The following SUCLG1 variants were observed in gnomAD, a reference collection of about 807,000 sequenced individuals.
SUCLG1 encodes succinate--CoA ligase [ADP/GDP-forming] subunit alpha, mitochondrial.
SUCLG1 carries 26 observed loss-of-function variants against 37.3 expected under a neutral mutation model. That is an observed-to-expected ratio of 0.70 (90% CI 0.51 to 0.97). SUCLG1 has a LOEUF of 0.97. Among genes scored for constraint, SUCLG1 ranks in the 50% least tolerant of loss-of-function variants. The pLI, the probability that SUCLG1 is intolerant of heterozygous loss-of-function variation, is 0.00. For synonymous variants in SUCLG1, 163 were observed against 155.6 expected, an observed-to-expected ratio of 1.05 and a Z score of -0.36; for missense variants, 433 against 432.9, an observed-to-expected ratio of 1.00 and a Z score of 0.00.
At position 84,453,125 on chromosome 2, in the gene SUCLG1, C is replaced by G. The variant is rs559638503; in HGVS notation, c.98-3373G>C. 2.0e-5 allele frequency among the ~76,000 whole-genome samples: 3 copies of G among 152,110 alleles called. No individual in the cohort carries two copies. In the East Asian group the frequency reaches 5.8e-4, roughly 29 times the overall value. The stretch of plus-strand genomic sequence containing the variant: ...GACATTTTTTTAAATAAATAAAACC[C>G]AAAAGCAATAATACAAATTGAATCT... On this transcript the variant is annotated intron_variant, in intron 1 of 8. Transcript: ENST00000393868.
In SUCLG1 at chr2:84,425,552, G is replaced by C. The variant is rs767897478; in HGVS notation, c.877C>G (p.Pro293Ala). The change falls in exon 8 of 9, where the codon CCT (proline) becomes GCT (alanine). Residue 293 changes from proline to alanine, a missense_variant. Pro to Ala is a conservative substitution (Grantham distance 27). Transcript: ENST00000393868. ...VSFIAGLTAP[P>A]GRRMGHAGAI... ...CCGGCATGACCCATTCTTCTCCCAG[G>C]AGGAGCAGTTAAACCAGCAATGAAG... is the stretch of plus-strand genomic sequence containing the variant. 1 of 1,614,226 alleles carries C rather than the reference G, an allele frequency of 6.2e-7. No homozygotes were observed. The highest frequency in any genetic ancestry group is 1.7e-5 in the Admixed American group (1 of 60,030).
intron 1 of SUCLG1, among the ~76,000 whole-genome samples, chr2:84,458,810 A>G (rs1261147973): frequency 6.6e-6 from 1 of 151,892 alleles, no homozygotes; most frequent in Non-Finnish European, 1.5e-5. Flanking sequence ...CACCAAGTTC[A>G]CCTTGGACCT....
At chr2:84,454,021 C>G (rs1672983299) in intron 1 of SUCLG1, among the ~76,000 whole-genome samples, 1 of 152,128 alleles carries the variant, frequency 6.6e-6, no homozygotes, top group African/African-American at 2.4e-5. Flanking sequence ...TAACAGCTGC[C>G]CCTGGGAGGC....
In SUCLG1 at chr2:84,423,762, T is replaced by C. The variant is rs1249969275; in HGVS notation, c.1025A>G (p.Lys342Arg). ...LGTTIYKEFE[K>R]RKML ...TTTTTTCTTTCATAGCATCTTCCTC[T>C]TTTCAAATTCCTTCAGAAACAGAAG... The change falls in exon 9 of 9, where the codon AAG becomes AGG. Residue 342 changes from lysine to arginine, a missense_variant. Lys to Arg is a conservative substitution (Grantham distance 26). Transcript: ENST00000393868. The C allele has an allele frequency of 6.2e-7, 1 of 1,606,480 alleles. No homozygotes were observed. Among genetic ancestry groups the C allele is most frequent in the East Asian group, 2.2e-5 (1 of 44,860 alleles).
chr2:84,455,115 C>T (rs981800630), intron 1 of SUCLG1, among the ~76,000 whole-genome samples: 1 of 152,150 alleles, frequency 6.6e-6, no homozygotes, highest in Non-Finnish European at 1.5e-5. Flanking sequence ...CTCCAAACAA[C>T]CCACTATTCA....
intron 1 of SUCLG1, 45 bp from the exon 2 acceptor site, chr2:84,449,797 T>C (rs770785565): frequency 2.2e-6 from 3 of 1,381,744 alleles, no homozygotes; most frequent in South Asian, 2.6e-5. Context: ...AGACACATTA[T>C]AATTTTTCTA....
Position 84,459,262 on chromosome 2 carries a change from G to A in SUCLG1, c.8C>T (p.Ala3Val). The part of the protein sequence containing the change: MT[A>V]TLAAAADIAT... The stretch of plus-strand genomic sequence containing the variant: ...GATGTCAGCGGCAGCGGCAAGGGTT[G>A]CGGTCATACGCCAATGACACTCCCA... Residue 3 changes from alanine to valine, a missense_variant, in exon 1 of 9, where the codon GCA becomes GTA. Coordinates refer to ENST00000393868, the MANE Select transcript of SUCLG1 (RefSeq NM_003849.4). The A allele has an allele frequency of 6.4e-7, 1 of 1,550,772 alleles. No individual in the cohort carries two copies. The highest frequency in any genetic ancestry group is 8.7e-7 in the Non-Finnish European group (1 of 1,146,840).
At chr2:84,428,151 G>A (rs1672561823) in intron 7 of SUCLG1, among the ~76,000 whole-genome samples, 1 of 152,112 alleles carries the variant, frequency 6.6e-6, no homozygotes, top group Admixed American at 6.5e-5. Flanking sequence ...CTCCTTGGAT[G>A]CTTGGCAAAC....
At chr2:84,425,271 T>C (rs1048346458) in intron 8 of SUCLG1, 144 bp downstream of exon 8, 20 of 893,766 alleles carry the variant, frequency 2.2e-5, no homozygotes, top group East Asian at 7.8e-5. Flanking sequence ...AGGACATCAA[T>C]AGAGTTGATA....
At position 84,459,278 on chromosome 2, in the gene SUCLG1, GA is replaced by G; in HGVS notation, c.-10del. ...GCAAGGGTTGCGGTCATACGCCAATGACACTCCCAGGCCCCCGGGGACCTCC... is the reference window on the plus strand; with the variant it reads ...GCAAGGGTTGCGGTCATACGCCAATGCACTCCCAGGCCCCCGGGGACCTCC... On this transcript the variant is annotated 5_prime_UTR_variant, in exon 1 of 9. Coordinates refer to ENST00000393868, the MANE Select transcript of SUCLG1 (RefSeq NM_003849.4). 6.4e-7 allele frequency: 1 copy of G among 1,550,634 alleles called. No homozygotes were observed. Among genetic ancestry groups the G allele is most frequent in the African/African-American group, 1.4e-5 (1 of 73,156 alleles).
chr2:84,439,871 C>G (rs6721056), intron 5 of SUCLG1, among the ~76,000 whole-genome samples: 147,047 of 152,340 alleles, frequency 0.97, 71,015 homozygotes, highest in East Asian at 1. Flanking sequence ...CATCTGAGTT[C>G]CCTTTCTGAT....
At chr2:84,425,357 G>A (rs1439437711) in intron 8 of SUCLG1, 58 bp downstream of exon 8, 15 of 1,599,238 alleles carry the variant, frequency 9.4e-6, no homozygotes, top group African/African-American at 6.7e-5. Context: ...TATCCAGTGT[G>A]GCCACACACA....
rs200059788 is a variant in SUCLG1, at chr2:84,433,318, C to T, written c.673+34G>A. On this transcript the variant is annotated intron_variant, in intron 6 of 8. Transcript: ENST00000393868. ...ATACTCATCCAATGAAGACACCACA[C>T]TCCAATAAAATGATTTTAGCAAAAG... The T allele has an allele frequency of 4.4e-5, 69 of 1,575,096 alleles. No individual in the cohort carries two copies. In the East Asian group the frequency reaches 1.1e-3, roughly 25 times the overall value.
At position 84,441,117 on chromosome 2, in the gene SUCLG1, A is replaced by C. The variant is rs1202917808; in HGVS notation, c.532-13T>G. 1 of 1,613,836 alleles carries C rather than the reference A, an allele frequency of 6.2e-7. No individual in the cohort carries two copies. The highest frequency in any genetic ancestry group is 8.5e-7 in the Non-Finnish European group (1 of 1,179,946). On this transcript the variant is annotated splice_polypyrimidine_tract_variant and intron_variant, in intron 4 of 8. Transcript: ENST00000393868. The stretch of plus-strand genomic sequence containing the variant: ...TACATTCTCCAGGCTGAAAGTAATC[A>C]TAGTTTTCAGAAATGTTAAAAAAAA...
At chr2:84,457,239 G>A (rs763180816) in intron 1 of SUCLG1, among the ~76,000 whole-genome samples, 1 of 152,214 alleles carries the variant, frequency 6.6e-6, no homozygotes, top group African/African-American at 2.4e-5. Flanking sequence ...GAGTGAAAAT[G>A]GGCTCGGAAA....
intron 5 of SUCLG1, among the ~76,000 whole-genome samples, chr2:84,438,729 G>A (rs560422290): frequency 6.6e-6 from 1 of 152,276 alleles, no homozygotes; most frequent in African/African-American, 2.4e-5. Flanking sequence ...GTGGGGACTT[G>A]GAGAAATTTT....
chr2:84,431,429 T>G (rs1573364408), intron 7 of SUCLG1, 79 bp downstream of exon 7: 1 of 1,592,056 alleles, frequency 6.3e-7, no homozygotes, highest in Non-Finnish European at 8.6e-7. Flanking sequence ...AATTCACCTT[T>G]GAAAAAATAA....
chr2:84,453,075 A>C (rs17025070), intron 1 of SUCLG1, among the ~76,000 whole-genome samples: 5,531 of 152,306 alleles, frequency 0.036, 183 homozygotes, highest in Middle Eastern at 0.099. Context: ...CCAAAGCTAC[A>C]TTAATCTAGT....
intron 5 of SUCLG1, 111 bp from the exon 6 acceptor site, chr2:84,433,546 T>C (rs181438926): frequency 1.1e-6 from 1 of 880,934 alleles, no homozygotes; most frequent in Non-Finnish European, 1.9e-6. Flanking sequence ...TAAAATTCAT[T>C]CCATGATTTG....
Sources: allele counts gnomAD v4.1 joint callset (sites outside exome capture counted in the v4.1 genomes callset), GRCh38; gene constraint gnomAD v4.1.1; transcripts MANE v1.5; gene names NCBI Gene and HGNC (gene_info 2026-07-23, HGNC 2026-07-21).